The following RPS6KC1 variants were observed in gnomAD, a reference collection of about 807,000 sequenced individuals.
RPS6KC1 encodes the protein inactive ribosomal protein S6 kinase delta-1.
A neutral mutation model predicts 103.8 loss-of-function variants in RPS6KC1; 54 were observed. The observed-to-expected ratio is 0.52, with a 90% CI of 0.42 to 0.65. The LOEUF is 0.65. Ranked by LOEUF, RPS6KC1 falls within the 30% of genes least tolerant of loss-of-function variation. The pLI is 0.00. For synonymous variants in RPS6KC1, 439 were observed against 438.7 expected (o/e 1.00, Z -0.01); for missense variants, 1,151 against 1,253.8 (o/e 0.92, Z 1.24).
At chr1:213,637,563 A>G in the RPS6KC1 span, among the ~76,000 whole-genome samples, 1 of 128,224 alleles carries the variant, frequency 7.8e-6, no homozygotes, top group African/African-American at 2.5e-5. Flanking sequence ...CTTAAAGTAT[A>G]ATAATTAAAA....
the RPS6KC1 span, among the ~76,000 whole-genome samples, chr1:213,589,105 C>T: frequency 1.3e-5 from 2 of 152,198 alleles, no homozygotes; most frequent in African/African-American, 4.8e-5. Context: ...CCTGAGGGCT[C>T]TGAGGAGGCC....
the RPS6KC1 span, among the ~76,000 whole-genome samples, chr1:213,291,169 A>G: frequency 6.6e-6 from 1 of 152,238 alleles, no homozygotes; most frequent in African/African-American, 2.4e-5. Flanking sequence ...CTAAAAGGCC[A>G]CATAATCAAA....
chr1:213,756,190 G>A, the RPS6KC1 span, among the ~76,000 whole-genome samples: 1,921 of 152,300 alleles, frequency 0.013, 43 homozygotes, highest in African/African-American at 0.044. Context: ...CATCATGCCA[G>A]GGACACTCTG....
the RPS6KC1 span, among the ~76,000 whole-genome samples, chr1:213,495,165 G>A: frequency 6.6e-6 from 1 of 152,142 alleles, no homozygotes; most frequent in African/African-American, 2.4e-5. Context: ...GTTCTACTGA[G>A]GGAGTCTTTA....
chr1:213,476,753 A>G, the RPS6KC1 span, among the ~76,000 whole-genome samples: 1 of 152,086 alleles, frequency 6.6e-6, no homozygotes. Context: ...CTCTCTTCTG[A>G]CTGTTGCCCT....
chr1:213,376,410 A>T, the RPS6KC1 span, among the ~76,000 whole-genome samples: 1 of 151,892 alleles, frequency 6.6e-6, no homozygotes, highest in Non-Finnish European at 1.5e-5. Flanking sequence ...TTTTTTTAAA[A>T]TTGCATACTT....
At chr1:213,678,005 CAAAA>C in the RPS6KC1 span, among the ~76,000 whole-genome samples, 2 of 141,188 alleles carry the variant, frequency 1.4e-5, no homozygotes, top group South Asian at 2.3e-4. Context: ...GACTCTGTCT[CAAAA>C]AAAAAAAAAA....
chr1:213,850,967 A>G, the RPS6KC1 span, among the ~76,000 whole-genome samples: 1,314 of 152,292 alleles, frequency 8.6e-3, 12 homozygotes, highest in South Asian at 0.056. Flanking sequence ...GTGAGTAGGT[A>G]CAGGGGACTC....
chr1:213,359,953 T>C, the RPS6KC1 span, among the ~76,000 whole-genome samples: 32 of 152,346 alleles, frequency 2.1e-4, no homozygotes, highest in African/African-American at 7.5e-4. Flanking sequence ...CTTCCCTTTG[T>C]GGGTAACCCG....
At chr1:213,589,348 T>A in the RPS6KC1 span, among the ~76,000 whole-genome samples, 1 of 152,148 alleles carries the variant, frequency 6.6e-6, no homozygotes, top group Non-Finnish European at 1.5e-5. Context: ...AAGACCTTGC[T>A]TAAGAATGGC....
chr1:213,301,528 A>T, the RPS6KC1 span, among the ~76,000 whole-genome samples: 1 of 151,952 alleles, frequency 6.6e-6, no homozygotes, highest in Non-Finnish European at 1.5e-5. Flanking sequence ...TCATCTGGAG[A>T]TTTGTTAAAA....
At chr1:213,568,889 A>G in the RPS6KC1 span, among the ~76,000 whole-genome samples, 1 of 152,160 alleles carries the variant, frequency 6.6e-6, no homozygotes, top group Non-Finnish European at 1.5e-5. Context: ...AGAGAGGCAG[A>G]CTCTGCAAAT....
the RPS6KC1 span, among the ~76,000 whole-genome samples, chr1:213,670,361 AG>A: frequency 6.6e-6 from 1 of 152,160 alleles, no homozygotes; most frequent in African/African-American, 2.4e-5. Flanking sequence ...CAGCCTGCCT[AG>A]GGGCCTGTTT....
At chr1:213,314,627 A>G in the RPS6KC1 span, among the ~76,000 whole-genome samples, 2,597 of 143,242 alleles carry the variant, frequency 0.018, 37 homozygotes, top group Non-Finnish European at 0.028. Context: ...AGTCAAGCTT[A>G]TTTTCACTAG....
At chr1:213,518,161 T>C in the RPS6KC1 span, among the ~76,000 whole-genome samples, 6 of 152,156 alleles carry the variant, frequency 3.9e-5, no homozygotes, top group Non-Finnish European at 8.8e-5. Context: ...TAAAAAAACC[T>C]CCAGAAAAGT....
rs550282023 is a variant in RPS6KC1 at position 213,126,139 on chromosome 1, A to G, written c.473-3388A>G. Among the ~76,000 whole-genome samples the G allele has an allele frequency of 3.9e-5, 6 of 152,250 alleles. No homozygotes were observed. In the East Asian group the frequency reaches 9.6e-4, roughly 24 times the overall value. ...TTTATCAGTTTCAATGGGCTAGATTATATATTGGCATCATTTAAGGAAATA... is the reference window on the plus strand; with the variant it reads ...TTTATCAGTTTCAATGGGCTAGATTGTATATTGGCATCATTTAAGGAAATA... On this transcript the variant is annotated intron_variant, in intron 5 of 14. Coordinates refer to ENST00000366960, the MANE Select transcript of RPS6KC1 (RefSeq NM_012424.6).
At chr1:213,622,831 C>T in the RPS6KC1 span, among the ~76,000 whole-genome samples, 1 of 152,130 alleles carries the variant, frequency 6.6e-6, no homozygotes, top group Non-Finnish European at 1.5e-5. Context: ...GAAACGCCTT[C>T]TAAAACCACA....
the RPS6KC1 span, among the ~76,000 whole-genome samples, chr1:213,632,136 GCGTT>G: frequency 6.6e-6 from 1 of 152,158 alleles, no homozygotes; most frequent in African/African-American, 2.4e-5. Context: ...ACTTTTATCA[GCGTT>G]TGTTTATTCA....
At chr1:213,509,449 G>T in the RPS6KC1 span, among the ~76,000 whole-genome samples, 2 of 151,916 alleles carry the variant, frequency 1.3e-5, no homozygotes, top group East Asian at 1.9e-4. Flanking sequence ...GTAAATGGTC[G>T]TTCAATTTTC....
Sources: gnomAD v4.1 joint callset for allele counts (sites outside exome capture counted in the v4.1 genomes callset) on GRCh38, gnomAD v4.1.1 for gene constraint, MANE v1.5 for transcripts, NCBI Gene and HGNC (gene_info 2026-07-23, HGNC 2026-07-21) for gene names.